PLCE1: variants seen among roughly 807,000 people sequenced by gnomAD.
The protein encoded by PLCE1 is phospholipase C epsilon 1.
A neutral mutation model predicts 242.8 loss-of-function variants in PLCE1; 119 were observed. The observed-to-expected ratio is 0.49, with a 90% CI of 0.42 to 0.57. PLCE1 has a LOEUF of 0.57. PLCE1 is among the 20% of genes least tolerant of loss of function. The pLI is 0.00. For synonymous variants in PLCE1, 945 were observed against 1,017.4 expected, an observed-to-expected ratio of 0.93 and a Z score of 1.35; for missense variants, 2,441 against 2,788.8, an observed-to-expected ratio of 0.88 and a Z score of 2.81.
intron 3 of PLCE1, among the ~76,000 whole-genome samples, chr10:94,132,678 C>T (rs111617656): frequency 3.1e-4 from 47 of 151,598 alleles, no homozygotes; most frequent in East Asian, 1.7e-3. Flanking sequence ...AGGCCGGGTG[C>T]GGTGGCTCAC....
In PLCE1 at chr10:94,246,595, C is replaced by A. The variant is rs776237015; in HGVS notation, c.3070C>A (p.Arg1024=). ...CCCTGACCAAAGACAGCAGTGGCTG[C>A]GGAAACAGTACGTCAGCCTTTATCA... is the stretch of plus-strand genomic sequence containing the variant. ...KFPDQRQQWL[R]KQYVSLYQED... The change falls in exon 8 of 33, where the codon CGG becomes AGG. Residue 1024 remains arginine, a synonymous_variant. Coordinates refer to ENST00000371380, the MANE Select transcript of PLCE1 (RefSeq NM_016341.4). 3.7e-6 allele frequency: 6 copies of A among 1,613,992 alleles called. No homozygotes were observed. The highest frequency in any genetic ancestry group is 4.2e-6 in the Non-Finnish European group (5 of 1,179,938).
chr10:94,172,393 T>C (rs1163801318), intron 4 of PLCE1, among the ~76,000 whole-genome samples: 1 of 152,262 alleles, frequency 6.6e-6, no homozygotes, highest in Non-Finnish European at 1.5e-5. Flanking sequence ...TTGGTATGTT[T>C]GTTGGTTGTT....
intron 4 of PLCE1, among the ~76,000 whole-genome samples, chr10:94,179,396 C>A (rs2048223311): frequency 6.6e-6 from 1 of 152,088 alleles, no homozygotes; most frequent in Non-Finnish European, 1.5e-5. Context: ...GGCTTGACAT[C>A]ATTCAGGTGC....
rs577287934 is a variant in PLCE1, at chr10:94,035,847, C to T, written c.1206+3595C>T. ...CTATGAATTACTTCCTTCAAAGATG[C>T]GGATCTTAATGATATGCTCCTTTTC... On this transcript the variant is annotated intron_variant, in intron 2 of 32. Coordinates refer to ENST00000371380, the MANE Select transcript of PLCE1 (RefSeq NM_016341.4). Among the ~76,000 whole-genome samples the T allele has an allele frequency of 1.8e-4, 28 of 152,226 alleles. 2 individuals carry two copies. The South Asian group carries it at 4.6e-3, about 25-fold the overall frequency.
chr10:94,222,992 G>C (rs542977147), intron 4 of PLCE1, among the ~76,000 whole-genome samples: 1 of 152,030 alleles, frequency 6.6e-6, no homozygotes. Context: ...TCTATGGAGA[G>C]GGCACAGCTG....
intron 4 of PLCE1, among the ~76,000 whole-genome samples, chr10:94,214,633 C>T (rs1404235531): frequency 6.6e-6 from 1 of 152,200 alleles, no homozygotes; most frequent in South Asian, 2.1e-4. Context: ...TTCCCTTCCG[C>T]TCTGTCCTTC....
At chr10:94,188,809 T>A (rs2048565779) in intron 4 of PLCE1, among the ~76,000 whole-genome samples, 1 of 152,058 alleles carries the variant, frequency 6.6e-6, no homozygotes, top group Non-Finnish European at 1.5e-5. Flanking sequence ...TTCACCATGT[T>A]GGTCAGGCTG....
intron 29 of PLCE1, among the ~76,000 whole-genome samples, chr10:94,319,580 G>T (rs1018147436): frequency 3.6e-4 from 55 of 152,140 alleles, no homozygotes; most frequent in African/African-American, 1.3e-3. Context: ...TCTGTTACTG[G>T]ATTTGAAATT....
Position 94,150,075 on chromosome 10 carries a change from A to T in PLCE1, c.1492+17616A>T, listed in dbSNP as rs2047226928. Among the ~76,000 whole-genome samples, 3 of 152,150 alleles carry T rather than the reference A, an allele frequency of 2.0e-5. No homozygotes were observed. In the South Asian group the frequency reaches 6.2e-4, roughly 32 times the overall value. ...AATGACCTATTTACCCATGTTGCTA[A>T]CTTTCATGTGCTTATAAACAAGTAG... On this transcript the variant is annotated intron_variant, in intron 3 of 32. Coordinates refer to ENST00000371380, the MANE Select transcript of PLCE1 (RefSeq NM_016341.4).
intron 21 of PLCE1, 97 bp downstream of exon 21, chr10:94,284,008 C>CT (rs36112426): frequency 7.1e-7 from 1 of 1,418,116 alleles, no homozygotes; most frequent in East Asian, 2.4e-5. Flanking sequence ...TCCCTTTCAC[C>CT]TTTCCCCTCA....
At chr10:94,285,005 C>A (rs2052386351) in intron 22 of PLCE1, 40 bp downstream of exon 22, 4 of 1,134,862 alleles carry the variant, frequency 3.5e-6, no homozygotes, top group Middle Eastern at 2.2e-4. Flanking sequence ...TTAAAGATAT[C>A]AAAGGTTAAA....
chr10:94,086,890 C>G (rs941313761), intron 2 of PLCE1, among the ~76,000 whole-genome samples: 1 of 152,150 alleles, frequency 6.6e-6, no homozygotes, highest in African/African-American at 2.4e-5. Flanking sequence ...TAATACTTGC[C>G]TTACTGGGGC....
chr10:94,082,461 G>T (rs1196232002), intron 2 of PLCE1, among the ~76,000 whole-genome samples: 7 of 152,050 alleles, frequency 4.6e-5, no homozygotes, highest in Admixed American at 4.6e-4. Context: ...CTTGTGCTTT[G>T]GTCCCCAGGG....
chr10:94,195,185 C>T (rs998058694), intron 4 of PLCE1, among the ~76,000 whole-genome samples: 11 of 152,162 alleles, frequency 7.2e-5, no homozygotes, highest in East Asian at 3.9e-4. Flanking sequence ...CCATTTATAA[C>T]GCTGAATATA....
chr10:94,180,893 G>A (rs1355761050), intron 4 of PLCE1, among the ~76,000 whole-genome samples: 2 of 152,240 alleles, frequency 1.3e-5, no homozygotes, highest in Non-Finnish European at 2.9e-5. Context: ...TTAGCACCTT[G>A]TGGAGCTCCC....
At chr10:94,255,808 C>A (rs910249974) in intron 11 of PLCE1, among the ~76,000 whole-genome samples, 1 of 151,630 alleles carries the variant, frequency 6.6e-6, no homozygotes, top group Non-Finnish European at 1.5e-5. Flanking sequence ...TCCTGTATCC[C>A]ACATTAAAGT....
At chr10:94,113,877 T>C (rs1287714131) in intron 2 of PLCE1, among the ~76,000 whole-genome samples, 1 of 152,132 alleles carries the variant, frequency 6.6e-6, no homozygotes, top group South Asian at 2.1e-4. Flanking sequence ...GGAACTCCCT[T>C]GACCATGCTA....
At chr10:94,113,271 TA>T (rs11358009) in intron 2 of PLCE1, among the ~76,000 whole-genome samples, 128,745 of 144,336 alleles carry the variant, frequency 0.89, 58,031 homozygotes, top group South Asian at 0.98. Context: ...AAGCTGCTGT[TA>T]AAAAAAAAAA....
At chr10:94,041,957 G>T (rs2061777218) in intron 2 of PLCE1, among the ~76,000 whole-genome samples, 1 of 151,976 alleles carries the variant, frequency 6.6e-6, no homozygotes, top group African/African-American at 2.4e-5. Flanking sequence ...TTAGGGCCGA[G>T]AATTTTAGGT....
Sources: gnomAD v4.1 joint callset for allele counts (sites outside exome capture counted in the v4.1 genomes callset) on GRCh38, gnomAD v4.1.1 for gene constraint, MANE v1.5 for transcripts, NCBI Gene and HGNC (gene_info 2026-07-23, HGNC 2026-07-21) for gene names.